Variants in RIN2 observed in about 807,000 individuals in gnomAD.
RIN2 encodes the protein RAB5 interacting protein 2.
Under a neutral mutation model 78.0 loss-of-function variants are expected in RIN2, and 36 were observed. That is an observed-to-expected ratio of 0.46 (90% CI 0.35 to 0.61). The LOEUF (loss-of-function observed/expected upper bound fraction) is 0.61, where lower values mean the gene tolerates loss of function less well. RIN2 is among the 20% of genes least tolerant of loss of function. The pLI is 0.00. For synonymous variants in RIN2, 466 were observed against 466.8 expected, an observed-to-expected ratio of 1.00 and a Z score of 0.02; for missense variants, 1,087 against 1,159.7, an observed-to-expected ratio of 0.94 and a Z score of 0.91.
At position 19,866,580 on chromosome 20, in the gene RIN2, AC is replaced by A. The variant is rs1285169219; in HGVS notation, c.-36-22985del. On this transcript the variant is annotated intron_variant, in intron 2 of 12. Transcript: ENST00000255006. ...ATATCAAATTTCAAGCTTTTAAAAAACATTAACGTGAAATTGTGTTTCTAGA... is the reference window on the plus strand; with the variant it reads ...ATATCAAATTTCAAGCTTTTAAAAAAATTAACGTGAAATTGTGTTTCTAGA... Among the ~76,000 whole-genome samples, 4 of 152,222 alleles carry A rather than the reference AC, an allele frequency of 2.6e-5. No individual in the cohort carries two copies. In the East Asian group the frequency reaches 7.7e-4, roughly 29 times the overall value.
chr20:19,988,925 GCA>G (rs1568712880), intron 9 of RIN2, among the ~76,000 whole-genome samples: 1 of 150,016 alleles, frequency 6.7e-6, no homozygotes, highest in African/African-American at 2.5e-5. Flanking sequence ...ACACACGCGT[GCA>G]CACACACAGA....
At chr20:19,840,351 C>T (rs766109015) in intron 2 of RIN2, among the ~76,000 whole-genome samples, 7 of 152,304 alleles carry the variant, frequency 4.6e-5, no homozygotes, top group South Asian at 4.1e-4. Context: ...CAGCAGTTTG[C>T]GGTTGGTTGG....
chr20:19,928,311 G>T (rs377408242), intron 3 of RIN2, among the ~76,000 whole-genome samples: 1 of 152,098 alleles, frequency 6.6e-6, no homozygotes, highest in Admixed American at 6.5e-5. Flanking sequence ...CAAATGGGTC[G>T]CCCAAGGCGA....
intron 2 of RIN2, among the ~76,000 whole-genome samples, chr20:19,869,322 A>G (rs74173338): frequency 0.045 from 6,868 of 152,260 alleles, 456 homozygotes; most frequent in African/African-American, 0.15. Flanking sequence ...CAAACTTGAG[A>G]GGAAGGGTTT....
At chr20:19,791,978 C>T (rs564570022) in intron 1 of RIN2, among the ~76,000 whole-genome samples, 1 of 152,150 alleles carries the variant, frequency 6.6e-6, no homozygotes, top group African/African-American at 2.4e-5. Context: ...TGTATTTTTT[C>T]CTTCCCTCCC....
chr20:19,783,936 C>T (rs532671790), intron 1 of RIN2, among the ~76,000 whole-genome samples: 1 of 152,274 alleles, frequency 6.6e-6, no homozygotes, highest in East Asian at 1.9e-4. Flanking sequence ...GGGATGCTGG[C>T]TGTGTGGAGT....
At chr20:19,803,305 A>G (rs941710241) in intron 2 of RIN2, among the ~76,000 whole-genome samples, 19 of 152,238 alleles carry the variant, frequency 1.2e-4, no homozygotes, top group African/African-American at 4.6e-4. Flanking sequence ...TGCAAAAAGA[A>G]CAAAGCTGGA....
intron 9 of RIN2, among the ~76,000 whole-genome samples, chr20:19,978,214 T>G (rs2042343344): frequency 6.6e-6 from 1 of 152,166 alleles, no homozygotes; most frequent in Admixed American, 6.5e-5. Context: ...AGAAGATAGC[T>G]CTGAACTAGA....
chr20:19,960,829 G>A lies in RIN2; in HGVS notation c.463+18G>A. 1 of 1,504,422 alleles carries A rather than the reference G, an allele frequency of 6.6e-7. No individual in the cohort carries two copies. The highest frequency in any genetic ancestry group is 1.2e-5 in the South Asian group (1 of 83,840). The allele number at this position is 1,504,422 out of a possible 1,614,324, so 93.2% of individuals were successfully genotyped here. On this transcript the variant is annotated intron_variant, in intron 6 of 12. Coordinates refer to ENST00000255006, the MANE Select transcript of RIN2 (RefSeq NM_018993.4). ...CACATACAGTAAGTGGTCATTGGAT[G>A]CTCAGGTCCTGACTGACAGGGCCAC...
chr20:19,916,830 C>T (rs1019174111), intron 3 of RIN2, among the ~76,000 whole-genome samples: 4 of 152,098 alleles, frequency 2.6e-5, no homozygotes, highest in Admixed American at 6.5e-5. Context: ...GTATTGAAAT[C>T]GTGCCTGTTC....
intron 1 of RIN2, among the ~76,000 whole-genome samples, chr20:19,770,973 G>A (rs889056851): frequency 1.3e-5 from 2 of 151,400 alleles, no homozygotes; most frequent in African/African-American, 4.8e-5. Flanking sequence ...CCTTCTTCGA[G>A]TTCAACTAAT....
intron 2 of RIN2, among the ~76,000 whole-genome samples, chr20:19,822,328 A>C (rs981801361): frequency 6.6e-6 from 1 of 152,178 alleles, no homozygotes; most frequent in Admixed American, 6.5e-5. Flanking sequence ...GTTTTCTCAG[A>C]GCTTATAAAT....
At chr20:19,863,494 C>G (rs1212288134) in intron 2 of RIN2, among the ~76,000 whole-genome samples, 1 of 152,180 alleles carries the variant, frequency 6.6e-6, no homozygotes, top group Non-Finnish European at 1.5e-5. Flanking sequence ...ATCAGTACCC[C>G]AGCTCCCTCA....
intron 8 of RIN2, 35 bp downstream of exon 8, chr20:19,970,964 A>C: frequency 6.6e-7 from 1 of 1,520,412 alleles, no homozygotes; most frequent in South Asian, 1.2e-5. Context: ...TCTATCTAAA[A>C]ATGAATCCAT....
chr20:19,875,547 A>T (rs993241592), intron 2 of RIN2, among the ~76,000 whole-genome samples: 1 of 152,148 alleles, frequency 6.6e-6, no homozygotes, highest in Non-Finnish European at 1.5e-5. Context: ...AGGCGGGAGG[A>T]TGGCTTGAGT....
At chr20:19,912,957 C>A (rs1465737590) in intron 3 of RIN2, among the ~76,000 whole-genome samples, 2 of 152,214 alleles carry the variant, frequency 1.3e-5, no homozygotes, top group Non-Finnish European at 2.9e-5. Flanking sequence ...ACAGGCTGAG[C>A]CTCAGTCCAT....
At chr20:19,900,629 A>AT (rs1197349552) in intron 3 of RIN2, among the ~76,000 whole-genome samples, 2 of 147,668 alleles carry the variant, frequency 1.4e-5, no homozygotes, top group African/African-American at 5.2e-5. Flanking sequence ...TCTCTACTAC[A>AT]TTAAAAAAAA....
chr20:19,975,019 A>G lies in RIN2; in HGVS notation c.994A>G (p.Thr332Ala). Residue 332 changes from threonine (T) to alanine (A), a missense_variant, in exon 9 of 13, where the codon ACG becomes GCG. Physicochemically the swap from Thr to Ala is moderately conservative, Grantham distance 58. Transcript: ENST00000255006. The surrounding 1 kb of genome is among the most constrained non-coding windows in gnomAD (Gnocchi z 4.9). ...TCGGCTGGCCAGGACTGAAACCCAG[A>G]CGAGCATGCCAGAAACAGTCAACCA... is the stretch of plus-strand genomic sequence containing the variant. The part of the protein sequence containing the change: ...SPRLARTETQ[T>A]SMPETVNHNK... 1.2e-6 allele frequency: 2 copies of G among 1,613,124 alleles called. No individual in the cohort carries two copies. Among genetic ancestry groups the G allele is most frequent in the Non-Finnish European group, 1.7e-6 (2 of 1,179,752 alleles).
chr20:19,930,444 A>G (rs1179135279), intron 3 of RIN2, among the ~76,000 whole-genome samples: 1 of 152,230 alleles, frequency 6.6e-6, no homozygotes, highest in Admixed American at 6.5e-5. Context: ...AGACAAAAAC[A>G]GCCTGGCTGA....
Sources: allele counts gnomAD v4.1 joint callset (sites outside exome capture counted in the v4.1 genomes callset), GRCh38; gene constraint gnomAD v4.1.1; non-coding constraint Gnocchi (gnomAD v3.1); transcripts MANE v1.5; gene names NCBI Gene and HGNC (gene_info 2026-07-23, HGNC 2026-07-21).